Variants in VPS13B observed in about 807,000 individuals in gnomAD.
The protein encoded by VPS13B is intermembrane lipid transfer protein VPS13B.
VPS13B carries 285 observed loss-of-function variants against 426.4 expected under a neutral mutation model. The ratio of observed to expected loss-of-function variants is 0.67; its 90% CI spans 0.61 to 0.74. The LOEUF (loss-of-function observed/expected upper bound fraction) is 0.74, where lower values mean the gene tolerates loss of function less well. Ranked by LOEUF, VPS13B falls within the 30% of genes least tolerant of loss-of-function variation. The probability of loss-of-function intolerance (pLI) is 0.00; values close to 1 mark genes in which losing one functional copy is unlikely to be tolerated. For missense variants in VPS13B, 4,537 were observed against 4,782.6 expected, an observed-to-expected ratio of 0.95 and a Z score of 1.51; for synonymous variants, 1,676 against 1,676.4, an observed-to-expected ratio of 1.00 and a Z score of 0.01.
intron 3 of VPS13B, among the ~76,000 whole-genome samples, chr8:99,075,546 G>T (rs1845073840): frequency 6.6e-6 from 1 of 152,204 alleles, no homozygotes; most frequent in African/African-American, 2.4e-5. Flanking sequence ...TACATTGAGG[G>T]GCCAAATTCC....
chr8:99,087,981 C>G (rs968790574), intron 3 of VPS13B, among the ~76,000 whole-genome samples: 2 of 151,766 alleles, frequency 1.3e-5, no homozygotes, highest in African/African-American at 2.4e-5. Context: ...GTCAGGAGTT[C>G]GAGACCAGCC....
chr8:99,226,457 G>T (rs1028565400), intron 17 of VPS13B, among the ~76,000 whole-genome samples: 1 of 151,890 alleles, frequency 6.6e-6, no homozygotes, highest in Non-Finnish European at 1.5e-5. Context: ...TTCCACTGAC[G>T]TCCTTTTTTA....
intron 17 of VPS13B, among the ~76,000 whole-genome samples, chr8:99,238,164 A>G (rs1816738298): frequency 6.6e-6 from 1 of 152,014 alleles, no homozygotes; most frequent in Non-Finnish European, 1.5e-5. Flanking sequence ...TTATAATTTC[A>G]AAGTGCCCTA....
intron 17 of VPS13B, among the ~76,000 whole-genome samples, chr8:99,269,995 T>A (rs1018784900): frequency 6.6e-6 from 1 of 151,984 alleles, no homozygotes; most frequent in Non-Finnish European, 1.5e-5. Flanking sequence ...GGAGAAATTA[T>A]GACATTATGT....
At chr8:99,688,637 G>A (rs556607770) in intron 35 of VPS13B, among the ~76,000 whole-genome samples, 2 of 152,100 alleles carry the variant, frequency 1.3e-5, no homozygotes, top group East Asian at 1.9e-4. Context: ...AGAAAATGGC[G>A]ACAGACTTGC....
chr8:99,131,674 C>T (rs192501900), intron 8 of VPS13B, among the ~76,000 whole-genome samples: 138 of 152,270 alleles, frequency 9.1e-4, no homozygotes, highest in African/African-American at 3.2e-3. Flanking sequence ...AAAATGCTAA[C>T]AATCATCTAC....
chr8:99,597,445 G>A (rs978861849), intron 33 of VPS13B, among the ~76,000 whole-genome samples: 7 of 152,034 alleles, frequency 4.6e-5, no homozygotes, highest in Non-Finnish European at 8.8e-5. Context: ...GAGAGAAGGA[G>A]CCAAATGAAC....
intron 3 of VPS13B, among the ~76,000 whole-genome samples, chr8:99,040,031 T>G (rs985179211): frequency 2.0e-5 from 3 of 152,166 alleles, no homozygotes; most frequent in African/African-American, 4.8e-5. Context: ...TTCTTGGAAT[T>G]TATTTTTTTT....
chr8:99,174,468 A>G (rs1317489875), intron 16 of VPS13B, among the ~76,000 whole-genome samples: 1 of 152,114 alleles, frequency 6.6e-6, no homozygotes, highest in African/African-American at 2.4e-5. Context: ...ATCAACACTT[A>G]TTATTTTCTG....
chr8:99,291,659 T>G (rs556899623), intron 19 of VPS13B, among the ~76,000 whole-genome samples: 3 of 152,104 alleles, frequency 2.0e-5, no homozygotes, highest in African/African-American at 7.2e-5. Flanking sequence ...TATCCAAAAA[T>G]AGAGGAAAAA....
chr8:99,763,104 C>A (rs1348295299), intron 39 of VPS13B, among the ~76,000 whole-genome samples: 1 of 130,962 alleles, frequency 7.6e-6, no homozygotes, highest in African/African-American at 3.0e-5. Flanking sequence ...CCACTTCACC[C>A]TAGCTTGGGC....
Position 99,360,238 on chromosome 8 carries a change from C to CCT in VPS13B, c.2825-23970_2825-23969insCT, listed in dbSNP as rs1298882494. 5.0e-4 allele frequency among the ~76,000 whole-genome samples: 48 copies of CCT among 95,348 alleles called. 1 individual carries two copies. The highest frequency in any genetic ancestry group is 1.7e-3 in the African/African-American group (40 of 23,152). The allele number at this position is 95,348 out of a possible 152,430, so 62.6% of individuals were successfully genotyped here. A position where few individuals can be genotyped will look rare whatever the true frequency, so the allele number is the denominator to read the frequency against. ...TCTTTCTTTCTTTCTTTCTTTCTCT[C>CCT]TCTCCTTCCTTCCTTCCTTCCTTCC... On this transcript the variant is annotated intron_variant, in intron 19 of 61. Coordinates refer to ENST00000357162, the MANE Select transcript of VPS13B (RefSeq NM_152564.5).
chr8:99,771,533 T>C (rs538992986), intron 40 of VPS13B, among the ~76,000 whole-genome samples: 8 of 152,362 alleles, frequency 5.3e-5, no homozygotes, highest in Admixed American at 4.6e-4. Flanking sequence ...TTTGAGACAG[T>C]GATCCACAGC....
chr8:99,056,861 G>A (rs1843904370), intron 3 of VPS13B, among the ~76,000 whole-genome samples: 1 of 152,074 alleles, frequency 6.6e-6, no homozygotes, highest in South Asian at 2.1e-4. Flanking sequence ...TACACAGTAC[G>A]CTTCTCTAAT....
intron 60 of VPS13B, chr8:99,871,181 C>G: frequency 1.6e-6 from 1 of 607,476 alleles, no homozygotes; most frequent in Non-Finnish European, 2.9e-6. Context: ...GTGGAACCAG[C>G]ACTCTAATTA....
chr8:99,326,886 A>C (rs1258504330), intron 19 of VPS13B, among the ~76,000 whole-genome samples: 1 of 152,192 alleles, frequency 6.6e-6, no homozygotes, highest in East Asian at 1.9e-4. Context: ...TGCCTCTGGC[A>C]TTCAATCTCA....
At chr8:99,793,026 C>G (rs1273837433) in intron 43 of VPS13B, among the ~76,000 whole-genome samples, 1 of 145,156 alleles carries the variant, frequency 6.9e-6, no homozygotes, top group African/African-American at 2.6e-5. Context: ...GGCAATATGG[C>G]AAGATCCTGT....
intron 25 of VPS13B, among the ~76,000 whole-genome samples, chr8:99,483,307 G>C (rs983500619): frequency 6.6e-6 from 1 of 151,998 alleles, no homozygotes; most frequent in African/African-American, 2.4e-5. Flanking sequence ...ATGAGGAAGC[G>C]ATAGGAAGTC....
chr8:99,022,387 C>A (rs989217556), intron 2 of VPS13B, among the ~76,000 whole-genome samples: 1 of 151,978 alleles, frequency 6.6e-6, no homozygotes, highest in African/African-American at 2.4e-5. Flanking sequence ...ATTTGGCTTA[C>A]TTAGAAGTAT....
Sources: allele counts gnomAD v4.1 joint callset (sites outside exome capture counted in the v4.1 genomes callset), GRCh38; gene constraint gnomAD v4.1.1; transcripts MANE v1.5; gene names NCBI Gene and HGNC (gene_info 2026-07-23, HGNC 2026-07-21).